The following ZNF428 variants were observed in gnomAD, a reference collection of about 807,000 sequenced individuals.
ZNF428 encodes enzyme-like protein PIT13.
ZNF428 carries 5 observed loss-of-function variants against 15.6 expected under a neutral mutation model. The ratio of observed to expected loss-of-function variants is 0.32; its 90% CI spans 0.17 to 0.67. The LOEUF is 0.67. ZNF428 is among the 30% of genes least tolerant of loss of function. The probability of loss-of-function intolerance (pLI) is 0.73; values close to 1 mark genes in which losing one functional copy is unlikely to be tolerated. For synonymous variants in ZNF428, 97 were observed against 102.2 expected (o/e 0.95, Z 0.31); for missense variants, 237 against 256.0 (o/e 0.93, Z 0.51).
chr19:43,613,097 A>G (rs1568534944), intron 2 of ZNF428: 3 of 1,551,626 alleles, frequency 1.9e-6, no homozygotes, highest in Non-Finnish European at 1.7e-6. Flanking sequence ...TCTGAGCCAG[A>G]TGGGAAGACA....
At chr19:43,613,971 A>G in intron 2 of ZNF428, 2 of 1,551,716 alleles carry the variant, frequency 1.3e-6, no homozygotes, top group South Asian at 1.2e-5. Context: ...GAGAAAGCTC[A>G]TAGCCGATCT....
In ZNF428 at chr19:43,607,393, AC is replaced by A. The variant is rs1396996059; in HGVS notation, c.*223del. On this transcript the variant is annotated 3_prime_UTR_variant, in exon 3 of 3. Transcript: ENST00000300811. The surrounding 1 kb of genome is among the most constrained non-coding windows in gnomAD (Gnocchi z 5.1). ...GGAATACACACACACACACACACAC[AC>A]AAACACACACACGGGCGGGAATACA... 31 of 545,450 alleles carry A rather than the reference AC, an allele frequency of 5.7e-5. No homozygotes were observed. The highest frequency in any genetic ancestry group is 7.7e-5 in the Non-Finnish European group (25 of 324,068). 33.8% of individuals were successfully genotyped at this position (545,450 alleles called of 1,614,324 possible).
rs573418153 is a variant in ZNF428, at chr19:43,617,233, TCAC to T, written c.-131+2322_-131+2324del. Among the ~76,000 whole-genome samples the T allele has an allele frequency of 1.6e-4, 25 of 151,974 alleles. No individual in the cohort carries two copies. The South Asian group carries it at 5.2e-3, about 32-fold the overall frequency. On this transcript the variant is annotated intron_variant, in intron 1 of 2. Transcript: ENST00000300811. ...TTCTGTGACTTCTCTCTCTCCCTCT[TCAC>T]CAACGGACCGCCCCCGCCCCCCACC...
chr19:43,614,185 G>A lies in ZNF428; in HGVS notation c.76+44C>T, dbSNP rs752367439. 3 of 1,614,074 alleles carry A rather than the reference G, an allele frequency of 1.9e-6. No individual in the cohort carries two copies. In the Admixed American group the frequency reaches 5.0e-5, roughly 27 times the overall value. On this transcript the variant is annotated intron_variant, in intron 2 of 2. Coordinates refer to ENST00000300811, the MANE Select transcript of ZNF428 (RefSeq NM_182498.4). ...CCAGTGGGGGCCAAACCCTAAGCCA[G>A]GATGACAGTCAAGCCGACGCCACCA...
chr19:43,613,314 A>G, intron 2 of ZNF428: 1 of 1,551,500 alleles, frequency 6.4e-7, no homozygotes, highest in Non-Finnish European at 8.7e-7. Context: ...CCCAACAAGC[A>G]GAGAGATCAC....
chr19:43,610,209 T>C (rs1045350816), intron 2 of ZNF428, among the ~76,000 whole-genome samples: 6 of 151,754 alleles, frequency 4.0e-5, no homozygotes, highest in Admixed American at 6.6e-5. Flanking sequence ...TTTTTCTCCA[T>C]CTTCTTTTGA....
rs1973319077 is a variant in ZNF428, at chr19:43,612,935, G to A, written c.76+1294C>T. ...CAGCAGGGTCAAGAGTTATAACCAG[G>A]CCAGCACCCGCAGCAGGCCGCAAAG... is the stretch of plus-strand genomic sequence containing the variant. On this transcript the variant is annotated intron_variant, in intron 2 of 2. Transcript: ENST00000300811. The surrounding 1 kb of genome is among the most constrained non-coding windows in gnomAD (Gnocchi z 4.2). 1.3e-6 allele frequency: 2 copies of A among 1,551,630 alleles called. No individual in the cohort carries two copies. The highest frequency in any genetic ancestry group is 1.7e-6 in the Non-Finnish European group (2 of 1,146,940).
chr19:43,614,556 CCTGA>C (rs1292656420), intron 1 of ZNF428, 122 bp from the exon 2 acceptor site: 2 of 889,004 alleles, frequency 2.2e-6, no homozygotes, highest in Non-Finnish European at 3.1e-6. Context: ...CAGCTCTGTC[CCTGA>C]CTGTCTACAG....
chr19:43,607,463 T>G lies in ZNF428; in HGVS notation c.*154A>C. 4.3e-6 allele frequency: 4 copies of G among 923,570 alleles called. No homozygotes were observed. The highest frequency in any genetic ancestry group is 4.7e-6 in the Non-Finnish European group (3 of 636,998). The allele number at this position is 923,570 out of a possible 1,614,324, so 57.2% of individuals were successfully genotyped here. A position where few individuals can be genotyped will look rare whatever the true frequency, so the allele number is the denominator to read the frequency against. ...CTGAACCAACACACACAGATACAGA[T>G]TTTGGCTTTTATTCTGGCCATCACA... On this transcript the variant is annotated 3_prime_UTR_variant, in exon 3 of 3. Transcript: ENST00000300811. The surrounding 1 kb of genome is among the most constrained non-coding windows in gnomAD (Gnocchi z 5.1).
At chr19:43,614,747 C>T (rs749866055) in intron 1 of ZNF428, among the ~76,000 whole-genome samples, 5 of 152,160 alleles carry the variant, frequency 3.3e-5, no homozygotes, top group Non-Finnish European at 5.9e-5. Context: ...TACAAGTGTG[C>T]GTCCTCACGC....
At position 43,609,004 on chromosome 19, in the gene ZNF428, T is replaced by A. The variant is rs1017242646; in HGVS notation, c.77-897A>T. Among the ~76,000 whole-genome samples the A allele has an allele frequency of 8.0e-5, 12 of 150,926 alleles. No homozygotes were observed. The East Asian group carries it at 2.1e-3, about 27-fold the overall frequency. ...ATTGCAAAAGAAAACAAAAACTCCA[T>A]GGGGAGGTGGGGTGGGAGGCATTTA... On this transcript the variant is annotated intron_variant, in intron 2 of 2. Transcript: ENST00000300811.
In ZNF428 at chr19:43,607,863, TC is replaced by T. The variant is rs1458759252; in HGVS notation, c.320del (p.Gly107GlufsTer127). ...GGCAGCAGAGCCGGCAGGGTGGGGTTCCCGGTGGGGCCTCCCCAAGGGGTGA... is the reference window on the plus strand; with the variant it reads ...GGCAGCAGAGCCGGCAGGGTGGGGTTCCGGTGGGGCCTCCCCAAGGGGTGA... Reference protein sequence around the residue: ...GRSPLGEAPPGTPPCRLCCPA... With the variant: ...GRSPLGEAPPXTPPCRLCCPA... On this transcript the variant is annotated frameshift_variant, in exon 3 of 3. Transcript: ENST00000300811. LOFTEE classifies it high-confidence loss of function. The surrounding 1 kb of genome is among the most constrained non-coding windows in gnomAD (Gnocchi z 5.1). 1 of 1,555,804 alleles carries T rather than the reference TC, an allele frequency of 6.4e-7. No homozygotes were observed. The highest frequency in any genetic ancestry group is 8.7e-7 in the Non-Finnish European group (1 of 1,149,568).
intron 2 of ZNF428, chr19:43,613,077 G>T: frequency 6.4e-7 from 1 of 1,551,520 alleles, no homozygotes; most frequent in Non-Finnish European, 8.7e-7. Flanking sequence ...AGTCGCACCC[G>T]GAAGGGAATT....
chr19:43,608,797 G>A (rs1046358859), intron 2 of ZNF428, among the ~76,000 whole-genome samples: 7 of 149,332 alleles, frequency 4.7e-5, no homozygotes, highest in South Asian at 2.1e-4. Flanking sequence ...GTGTGGTGGC[G>A]GGCGCCTGTA....
Position 43,612,475 on chromosome 19 carries a change from C to G in ZNF428, c.76+1754G>C, listed in dbSNP as rs760593665. 5.1e-5 allele frequency: 79 copies of G among 1,545,720 alleles called. No homozygotes were observed. In the Middle Eastern group the frequency reaches 1.3e-3, roughly 26 times the overall value. On this transcript the variant is annotated intron_variant, in intron 2 of 2. Coordinates refer to ENST00000300811, the MANE Select transcript of ZNF428 (RefSeq NM_182498.4). The surrounding 1 kb of genome is among the most constrained non-coding windows in gnomAD (Gnocchi z 4.2). ...GATGCCACCAGCGGAGGGGCACACACAGCCGGGGTAGGACACCTGGCAGAA... is the reference window on the plus strand; with the variant it reads ...GATGCCACCAGCGGAGGGGCACACAGAGCCGGGGTAGGACACCTGGCAGAA...
At chr19:43,613,429 T>G (rs1257586085) in intron 2 of ZNF428, 6 of 1,528,496 alleles carry the variant, frequency 3.9e-6, no homozygotes, top group Non-Finnish European at 5.3e-6. Flanking sequence ...AGGCGAGAGA[T>G]TGCAGCCGAT....
At position 43,607,596 on chromosome 19, in the gene ZNF428, C is replaced by T. The variant is rs1973252217; in HGVS notation, c.*21G>A. On this transcript the variant is annotated 3_prime_UTR_variant, in exon 3 of 3. Coordinates refer to ENST00000300811, the MANE Select transcript of ZNF428 (RefSeq NM_182498.4). The surrounding 1 kb of genome is among the most constrained non-coding windows in gnomAD (Gnocchi z 5.1). Reference sequence around the variant, plus strand: ...CTCCCACCCCACCCCTTCTGCCAAGCTCCCCGTATGGGGGCTCTGCCTACA... The same window carrying T: ...CTCCCACCCCACCCCTTCTGCCAAGTTCCCCGTATGGGGGCTCTGCCTACA... 6.5e-7 allele frequency: 1 copy of T among 1,548,800 alleles called. No homozygotes were observed. The highest frequency in any genetic ancestry group is 8.7e-7 in the Non-Finnish European group (1 of 1,144,920).
chr19:43,609,393 ACATT>A lies in ZNF428; in HGVS notation c.77-1290_77-1287del, dbSNP rs1973273044. On this transcript the variant is annotated intron_variant, in intron 2 of 2. Transcript: ENST00000300811. The stretch of plus-strand genomic sequence containing the variant: ...GAGAGAGAGAGTTAGGTGAATTAAA[ACATT>A]TATTTATAGGTAAGATATATTACTG... Among the ~76,000 whole-genome samples the A allele has an allele frequency of 2.0e-5, 3 of 151,710 alleles. No individual in the cohort carries two copies. In the South Asian group the frequency reaches 6.2e-4, roughly 31 times the overall value.
chr19:43,612,216 T>A lies in ZNF428; in HGVS notation c.76+2013A>T, dbSNP rs1973305291. ...GCGGATCCCAAGCCTCCTGCCTCCT[T>A]GAAGTCCACCAAATCAGCAACACCC... is the stretch of plus-strand genomic sequence containing the variant. On this transcript the variant is annotated intron_variant, in intron 2 of 2. Coordinates refer to ENST00000300811, the MANE Select transcript of ZNF428 (RefSeq NM_182498.4). This position sits in a 1 kb window ranked among gnomAD's most constrained non-coding sequence, Gnocchi z 4.2. 6.4e-7 allele frequency: 1 copy of A among 1,551,656 alleles called. No homozygotes were observed. Among genetic ancestry groups the A allele is most frequent in the African/African-American group, 1.4e-5 (1 of 73,124 alleles).
Sources: gnomAD v4.1 joint callset for allele counts (sites outside exome capture counted in the v4.1 genomes callset) on GRCh38, gnomAD v4.1.1 for gene constraint, Gnocchi (gnomAD v3.1) non-coding constraint, MANE v1.5 for transcripts, NCBI Gene and HGNC (gene_info 2026-07-23, HGNC 2026-07-21) for gene names.